The following PCDHA2 variants were observed in gnomAD, a reference collection of about 807,000 sequenced individuals.
The protein encoded by PCDHA2 is protocadherin alpha-2.
In PCDHA2, 58 loss-of-function variants were observed where a neutral mutation model predicts 66.0. The ratio of observed to expected loss-of-function variants is 0.88; its 90% CI spans 0.71 to 1.09. The LOEUF is 1.09. PCDHA2 is among the 50% of genes least tolerant of loss of function. PCDHA2 has a pLI of 0.00. For missense variants in PCDHA2, 1,267 were observed against 1,242.3 expected (o/e 1.02, Z -0.30); for synonymous variants, 634 against 554.0 (o/e 1.14, Z -2.03).
intron 1 of PCDHA2, among the ~76,000 whole-genome samples, chr5:140,924,015 A>G (rs2081623207): frequency 6.6e-6 from 1 of 152,164 alleles, no homozygotes; most frequent in Admixed American, 6.5e-5. Flanking sequence ...AACCTGGTAT[A>G]ATTGGAGGCA....
chr5:140,991,075 G>A (rs2097430816), intron 3 of PCDHA2, among the ~76,000 whole-genome samples: 1 of 152,134 alleles, frequency 6.6e-6, no homozygotes, highest in Non-Finnish European at 1.5e-5. Flanking sequence ...CCATGTTTCA[G>A]ATAAAAAAAT....
intron 1 of PCDHA2, chr5:140,877,520 C>T (rs2057180531): frequency 6.2e-7 from 1 of 1,613,784 alleles, no homozygotes; most frequent in Non-Finnish European, 8.5e-7. Context: ...TCGCGGGCCT[C>T]AGTGGGCGCT....
At chr5:140,883,773 G>C (rs1362933627) in intron 1 of PCDHA2, 11 of 1,612,372 alleles carry the variant, frequency 6.8e-6, no homozygotes, top group Non-Finnish European at 9.3e-6. Context: ...GTGGGCGAGC[G>C]TGCGCTGTCG....
intron 1 of PCDHA2, chr5:140,859,929 A>T (rs568538695): frequency 4.2e-4 from 64 of 152,162 alleles, no homozygotes; most frequent in African/African-American, 1.3e-3. Flanking sequence ...TAATATAAAA[A>T]ACTTAGTAAA....
intron 1 of PCDHA2, chr5:140,852,028 TATTG>T (rs1203440654): frequency 2.1e-6 from 2 of 942,992 alleles, no homozygotes; most frequent in Admixed American, 6.3e-5. Flanking sequence ...AAACTTCGCT[TATTG>T]AGTTTTTGTT....
At chr5:140,902,400 C>T (rs2069421777) in intron 1 of PCDHA2, among the ~76,000 whole-genome samples, 1 of 151,930 alleles carries the variant, frequency 6.6e-6, no homozygotes, top group South Asian at 2.1e-4. Flanking sequence ...ATGTTGAATA[C>T]TATGTTGAAT....
At chr5:140,824,610 G>GTTTTTTTTTTTTTTTTTTTTTTTTTT (rs782443702) in intron 1 of PCDHA2, 1 of 95,104 alleles carries the variant, frequency 1.1e-5, no homozygotes, top group African/African-American at 4.9e-5. Flanking sequence ...GCTAATTAAA[G>GTTTTTTTTTTTTTTTTTTTTTTTTTT]TTTTTTTTTT....
At chr5:140,930,644 A>G (rs1346561903) in intron 1 of PCDHA2, among the ~76,000 whole-genome samples, 1 of 152,198 alleles carries the variant, frequency 6.6e-6, no homozygotes, top group East Asian at 1.9e-4. Context: ...AGGAAGGAAA[A>G]TGAAGCATTC....
chr5:141,010,869 A>T lies in PCDHA2; in HGVS notation c.*932A>T, dbSNP rs1434984330. The T allele has an allele frequency of 1.3e-5, 2 of 153,786 alleles. No individual in the cohort carries two copies. Among genetic ancestry groups the T allele is most frequent in the African/African-American group, 4.8e-5 (2 of 41,464 alleles). The allele number at this position is 153,786 out of a possible 1,614,324, so 9.5% of individuals were successfully genotyped here. On this transcript the variant is annotated 3_prime_UTR_variant, in exon 4 of 4. Coordinates refer to ENST00000526136, the MANE Select transcript of PCDHA2 (RefSeq NM_018905.3). Reference sequence around the variant, plus strand: ...AAAAAAAGAGAAAGTCTATAGCTATAAATCTTTAAAGAGAAATATGAATAC... The same window carrying T: ...AAAAAAAGAGAAAGTCTATAGCTATTAATCTTTAAAGAGAAATATGAATAC...
chr5:140,852,882 C>A (rs1562485802), intron 1 of PCDHA2: 2 of 936,178 alleles, frequency 2.1e-6, no homozygotes, highest in South Asian at 4.9e-5. Flanking sequence ...AATCATAAAA[C>A]GTATTTTTTT....
intron 1 of PCDHA2, chr5:140,877,387 G>A: frequency 6.2e-7 from 1 of 1,614,010 alleles, no homozygotes; most frequent in Non-Finnish European, 8.5e-7. Flanking sequence ...CATCCTGGAT[G>A]AGGCGGACGC....
At chr5:140,824,255 G>A in intron 1 of PCDHA2, 2 of 1,376,076 alleles carry the variant, frequency 1.5e-6, no homozygotes, top group Non-Finnish European at 2.0e-6. Context: ...CACAATTATT[G>A]CACTAATTCA....
chr5:140,968,511 C>T, intron 1 of PCDHA2: 2 of 1,614,198 alleles, frequency 1.2e-6, no homozygotes, highest in Non-Finnish European at 1.7e-6. Context: ...ATTCTGTACC[C>T]TACCTCAACC....
rs1554253792 is a variant in PCDHA2 at position 140,993,501 on chromosome 5, C to CACAT, written c.2536+10941_2536+10942insTACA. ...ACACACACACACACACACACACACA[C>CACAT]ACACACACGGGGAGAGAGAGACAGA... is the stretch of plus-strand genomic sequence containing the variant. On this transcript the variant is annotated intron_variant, in intron 3 of 3. Transcript: ENST00000526136. Among the ~76,000 whole-genome samples, 4 of 149,100 alleles carry CACAT rather than the reference C, an allele frequency of 2.7e-5. No individual in the cohort carries two copies. In the East Asian group the frequency reaches 5.8e-4, roughly 22 times the overall value.
chr5:140,876,827 C>G, intron 1 of PCDHA2: 1 of 1,614,182 alleles, frequency 6.2e-7, no homozygotes, highest in Non-Finnish European at 8.5e-7. Flanking sequence ...AACGACAATG[C>G]GCCTGCGTTC....
intron 1 of PCDHA2, among the ~76,000 whole-genome samples, chr5:140,952,839 T>G (rs1270756530): frequency 6.6e-6 from 1 of 152,210 alleles, no homozygotes; most frequent in Non-Finnish European, 1.5e-5. Context: ...GCTGGCCATC[T>G]GCTTGTCTTC....
At chr5:140,960,548 A>G (rs73793541) in intron 1 of PCDHA2, among the ~76,000 whole-genome samples, 2,047 of 152,290 alleles carry the variant, frequency 0.013, 37 homozygotes, top group African/African-American at 0.047. Context: ...TGGCCTTCAT[A>G]TAGACTGAGC....
rs782133433 is a variant in PCDHA2, at chr5:140,802,580, G to T, written c.2388+5228G>T. On this transcript the variant is annotated intron_variant, in intron 1 of 3. Transcript: ENST00000526136. The stretch of plus-strand genomic sequence containing the variant: ...CGGCATTCTCGCAGTCCGAGTACAC[G>T]GTGTTCGTGAAGGAGAACAACCCGC... 4 of 1,613,812 alleles carry T rather than the reference G, an allele frequency of 2.5e-6. No homozygotes were observed. The South Asian group carries it at 3.3e-5, about 13-fold the overall frequency.
At chr5:140,824,626 T>TTTTTTTG (rs1768277124) in intron 1 of PCDHA2, 1 of 133,454 alleles carries the variant, frequency 7.5e-6, no homozygotes, top group Non-Finnish European at 1.5e-5. Flanking sequence ...TTTTTTTTTT[T>TTTTTTTG]TTTTTTATTT....
Sources: gnomAD v4.1 joint callset for allele counts (sites outside exome capture counted in the v4.1 genomes callset) on GRCh38, gnomAD v4.1.1 for gene constraint, MANE v1.5 for transcripts, NCBI Gene and HGNC (gene_info 2026-07-23, HGNC 2026-07-21) for gene names.